The following BEND4 variants were observed in gnomAD, a reference collection of about 807,000 sequenced individuals.
The protein encoded by BEND4 is BEN domain-containing protein 4.
In BEND4, 27 loss-of-function variants were observed where a neutral mutation model predicts 54.7. The observed-to-expected ratio is 0.49, with a 90% CI of 0.36 to 0.68. The LOEUF (loss-of-function observed/expected upper bound fraction) is 0.68. BEND4 is among the 30% of genes least tolerant of loss of function. The pLI is 0.00. For synonymous variants in BEND4, 327 were observed against 299.5 expected (o/e 1.09, Z -0.95); for missense variants, 702 against 697.2 (o/e 1.01, Z -0.08).
chr4:42,130,584 G>A (rs894896683), intron 3 of BEND4, among the ~76,000 whole-genome samples: 1 of 152,050 alleles, frequency 6.6e-6, no homozygotes, highest in African/African-American at 2.4e-5. Flanking sequence ...CGAGGCTGTG[G>A]AGAAACAGAA....
intron 4 of BEND4, among the ~76,000 whole-genome samples, chr4:42,120,501 G>C (rs915194570): frequency 6.6e-6 from 1 of 152,076 alleles, no homozygotes; most frequent in African/African-American, 2.4e-5. Context: ...GAGCCAATGA[G>C]GTATAATGAA....
intron 4 of BEND4, among the ~76,000 whole-genome samples, chr4:42,121,173 T>C (rs1314561174): frequency 2.0e-5 from 3 of 152,190 alleles, no homozygotes; most frequent in East Asian, 3.8e-4. Flanking sequence ...AACTCATTCA[T>C]TTTACAACTC....
intron 2 of BEND4, among the ~76,000 whole-genome samples, chr4:42,149,160 G>T (rs1419671491): frequency 6.6e-6 from 1 of 152,086 alleles, no homozygotes. Flanking sequence ...TTACACTTCT[G>T]CGAGGGTGCA....
intron 2 of BEND4, 173 bp from the exon 3 acceptor site, chr4:42,144,167 TG>T (rs1720996485): frequency 4.6e-6 from 3 of 650,822 alleles, no homozygotes; most frequent in Non-Finnish European, 8.1e-6. Flanking sequence ...AGCTTCCTGT[TG>T]TTCTGCGACT....
At chr4:42,122,720 CTT>C (rs1720111542) in intron 4 of BEND4, among the ~76,000 whole-genome samples, 1 of 152,148 alleles carries the variant, frequency 6.6e-6, no homozygotes, top group Admixed American at 6.5e-5. Flanking sequence ...TGTCTAGCTG[CTT>C]TTTAAGCTGT....
At position 42,148,595 on chromosome 4, in the gene BEND4, C is replaced by T. The variant is rs186500293; in HGVS notation, c.487+3062G>A. Among the ~76,000 whole-genome samples the T allele has an allele frequency of 2.6e-5, 4 of 152,308 alleles. No homozygotes were observed. The East Asian group carries it at 5.8e-4, about 22-fold the overall frequency. On this transcript the variant is annotated intron_variant, in intron 2 of 5. Coordinates refer to ENST00000502486, the MANE Select transcript of BEND4 (RefSeq NM_207406.4). Reference sequence around the variant, plus strand: ...TGTCCAAAAGAATGATGCTGATAGGCTGCCACAGATGTGTAGATTTATGAA... The same window carrying T: ...TGTCCAAAAGAATGATGCTGATAGGTTGCCACAGATGTGTAGATTTATGAA...
In BEND4 at chr4:42,152,076, G is replaced by A. The variant is rs946474309; in HGVS notation, c.68C>T (p.Pro23Leu). 1.0e-5 allele frequency: 13 copies of A among 1,251,222 alleles called. No homozygotes were observed. In the African/African-American group the frequency reaches 1.4e-4, roughly 13 times the overall value. 77.5% of individuals were successfully genotyped at this position (1,251,222 alleles called of 1,614,324 possible). The change falls in exon 2 of 6, where the codon CCC becomes CTC. Residue 23 changes from proline (P) to leucine (L), a missense_variant. By Grantham distance (98) the Pro-to-Leu change is moderately conservative. Coordinates refer to ENST00000502486, the MANE Select transcript of BEND4 (RefSeq NM_207406.4). Reference protein sequence around the residue: ...SVPKIYKQRSPYSVLKTFPSK... With the variant: ...SVPKIYKQRSLYSVLKTFPSK... ...GGGGAACGTCTTGAGGACGCTGTAG[G>A]GGCTGCGCTGCTTGTAGATTTTGGG...
chr4:42,133,631 G>C (rs1196586223), intron 3 of BEND4, among the ~76,000 whole-genome samples: 1 of 152,150 alleles, frequency 6.6e-6, no homozygotes, highest in Non-Finnish European at 1.5e-5. Context: ...GAGGCGGGTA[G>C]ATCACGTGGT....
At chr4:42,129,119 G>A (rs1324793710) in intron 3 of BEND4, among the ~76,000 whole-genome samples, 2 of 152,052 alleles carry the variant, frequency 1.3e-5, no homozygotes, top group African/African-American at 4.8e-5. Flanking sequence ...AATCAAACAA[G>A]CATTCCTATA....
At chr4:42,132,873 A>C (rs1249698995) in intron 3 of BEND4, among the ~76,000 whole-genome samples, 2 of 152,210 alleles carry the variant, frequency 1.3e-5, no homozygotes, top group African/African-American at 4.8e-5. Flanking sequence ...GTGTAATGAG[A>C]AAATACATGA....
chr4:42,120,832 G>GA (rs138165667), intron 4 of BEND4, among the ~76,000 whole-genome samples: 54 of 149,230 alleles, frequency 3.6e-4, no homozygotes, highest in African/African-American at 4.4e-4. Flanking sequence ...TGTGGAAACT[G>GA]AAAAAAAAAA....
chr4:42,134,540 T>C (rs886529639), intron 3 of BEND4, among the ~76,000 whole-genome samples: 1 of 152,206 alleles, frequency 6.6e-6, no homozygotes, highest in African/African-American at 2.4e-5. Context: ...TGCCTAACAG[T>C]GGGCTAGGAA....
Position 42,112,237 on chromosome 4 carries a change from A to C in BEND4, c.*5281T>G, listed in dbSNP as rs146189783. ...CCCTGGGCAGTTTCCTTATCAATAC[A>C]ATGGGGATAAGAACAGTAACAGCCT... On this transcript the variant is annotated 3_prime_UTR_variant, in exon 6 of 6. Coordinates refer to ENST00000502486, the MANE Select transcript of BEND4 (RefSeq NM_207406.4). The C allele has an allele frequency of 6.6e-6, 1 of 152,314 alleles. No individual in the cohort carries two copies. The highest frequency in any genetic ancestry group is 1.5e-5 in the Non-Finnish European group (1 of 68,028). 9.4% of individuals were successfully genotyped at this position (152,314 alleles called of 1,614,324 possible). A position where few individuals can be genotyped will look rare whatever the true frequency, so the allele number is the denominator to read the frequency against.
Position 42,143,933 on chromosome 4 carries a change from A to G in BEND4, c.549T>C (p.Asn183=). The G allele has an allele frequency of 2.6e-6, 4 of 1,538,272 alleles. No homozygotes were observed. Among genetic ancestry groups the G allele is most frequent in the Non-Finnish European group, 2.6e-6 (3 of 1,147,066 alleles). ...TGGAGTCCAGGAGTTTTCCTCCACA[A>G]TTTAAGAGGCTAAGAACTCGACTGC... ...QQCSRVLSLL[N]CGGKLLDSNH... Residue 183 remains asparagine (N), a synonymous_variant, in exon 3 of 6, where the codon AAT becomes AAC. Coordinates refer to ENST00000502486, the MANE Select transcript of BEND4 (RefSeq NM_207406.4).
At chr4:42,143,007 G>C (rs1381833655) in intron 3 of BEND4, among the ~76,000 whole-genome samples, 1 of 152,144 alleles carries the variant, frequency 6.6e-6, no homozygotes, top group Non-Finnish European at 1.5e-5. Flanking sequence ...AAAATGCATA[G>C]GATCAAAGTT....
At chr4:42,127,700 C>T (rs1410277954) in intron 3 of BEND4, among the ~76,000 whole-genome samples, 2 of 152,196 alleles carry the variant, frequency 1.3e-5, no homozygotes, top group Non-Finnish European at 2.9e-5. Flanking sequence ...TTCTGTTCTT[C>T]ACAGTTTATG....
At chr4:42,147,838 G>A (rs897415508) in intron 2 of BEND4, among the ~76,000 whole-genome samples, 5 of 152,014 alleles carry the variant, frequency 3.3e-5, no homozygotes, top group African/African-American at 1.2e-4. Context: ...ATAAGAAGAG[G>A]GATGGGAAGT....
chr4:42,117,811 C>T, intron 5 of BEND4, 76 bp from the exon 6 acceptor site: 1 of 955,106 alleles, frequency 1.0e-6, no homozygotes, highest in Non-Finnish European at 1.6e-6. Context: ...ACAGGGCAGG[C>T]TGCTTAAACT....
chr4:42,149,655 A>G (rs922678997), intron 2 of BEND4, among the ~76,000 whole-genome samples: 5 of 152,206 alleles, frequency 3.3e-5, no homozygotes, highest in Non-Finnish European at 5.9e-5. Flanking sequence ...GGGAACAGAG[A>G]CAAAATAAAC....
Sources: allele counts gnomAD v4.1 joint callset (sites outside exome capture counted in the v4.1 genomes callset), GRCh38; gene constraint gnomAD v4.1.1; transcripts MANE v1.5; gene names NCBI Gene and HGNC (gene_info 2026-07-23, HGNC 2026-07-21).